TMEM108: variants seen among roughly 807,000 people sequenced by gnomAD.
The protein encoded by TMEM108 is transmembrane protein 108, also known as cancer/testis antigen 124.
In TMEM108, 12 loss-of-function variants were observed where a neutral mutation model predicts 35.1. The ratio of observed to expected loss-of-function variants is 0.34; its 90% CI spans 0.22 to 0.55. TMEM108 has a LOEUF of 0.55. Ranked by LOEUF, TMEM108 falls within the 20% of genes least tolerant of loss-of-function variation. The probability of loss-of-function intolerance (pLI) is 0.89; values close to 1 mark genes in which losing one functional copy is unlikely to be tolerated. For synonymous variants in TMEM108, 287 were observed against 308.6 expected, an observed-to-expected ratio of 0.93 and a Z score of 0.73; for missense variants, 680 against 753.3, an observed-to-expected ratio of 0.90 and a Z score of 1.14.
chr3:133,197,809 ACT>A (rs1418808503), intron 2 of TMEM108, among the ~76,000 whole-genome samples: 1 of 152,058 alleles, frequency 6.6e-6, no homozygotes, highest in Non-Finnish European at 1.5e-5. Context: ...AATTTCAGAA[ACT>A]CAGACATGAG....
intron 2 of TMEM108, among the ~76,000 whole-genome samples, chr3:133,058,623 C>G (rs564787133): frequency 6.6e-6 from 1 of 152,354 alleles, no homozygotes; most frequent in African/African-American, 2.4e-5. Flanking sequence ...TGAGAGGCCC[C>G]CAGAGAGGAG....
chr3:133,080,577 C>T (rs1357020), intron 2 of TMEM108, among the ~76,000 whole-genome samples: 95,195 of 151,454 alleles, frequency 0.63, 30,480 homozygotes, highest in African/African-American at 0.76. Flanking sequence ...ATTAATGATC[C>T]TATATACCTT....
intron 3 of TMEM108, among the ~76,000 whole-genome samples, chr3:133,272,272 CGTGTGT>C (rs3078833): frequency 0.011 from 1,556 of 137,806 alleles, 26 homozygotes; most frequent in African/African-American, 0.035. Flanking sequence ...CATACACGTA[CGTGTGT>C]GTGTGTGTGT....
Position 133,350,830 on chromosome 3 carries a change from A to T in TMEM108, c.41-28922A>T, listed in dbSNP as rs532766401. On this transcript the variant is annotated intron_variant, in intron 3 of 5. Coordinates refer to ENST00000321871, the MANE Select transcript of TMEM108 (RefSeq NM_023943.4). ...GTATACAAAAATAGGGTGTAAAGGC[A>T]GTTTTACATACTGAATGCTGAGACC... 2.0e-5 allele frequency among the ~76,000 whole-genome samples: 3 copies of T among 152,284 alleles called. No individual in the cohort carries two copies. The South Asian group carries it at 6.2e-4, about 32-fold the overall frequency.
intron 3 of TMEM108, among the ~76,000 whole-genome samples, chr3:133,305,040 A>G (rs1207405041): frequency 6.6e-6 from 1 of 152,042 alleles, no homozygotes; most frequent in African/African-American, 2.4e-5. Context: ...CCAAGATCGC[A>G]CCACTGCACC....
intron 2 of TMEM108, among the ~76,000 whole-genome samples, chr3:133,121,885 T>C (rs1000296377): frequency 6.6e-5 from 10 of 152,054 alleles, no homozygotes; most frequent in African/African-American, 2.2e-4. Flanking sequence ...TTTAACGGAG[T>C]GTTCCTTCTA....
chr3:133,280,669 A>C (rs1946900338), intron 3 of TMEM108, among the ~76,000 whole-genome samples: 1 of 152,304 alleles, frequency 6.6e-6, no homozygotes, highest in Admixed American at 6.5e-5. Context: ...GTGGCTTAAA[A>C]CAACCATCAT....
At chr3:133,131,687 G>A (rs1944492627) in intron 2 of TMEM108, among the ~76,000 whole-genome samples, 1 of 151,332 alleles carries the variant, frequency 6.6e-6, no homozygotes, top group Non-Finnish European at 1.5e-5. Context: ...CCCTAAAATG[G>A]CCTCTAAGTG....
At chr3:133,283,294 A>C (rs35753560) in intron 3 of TMEM108, among the ~76,000 whole-genome samples, 46,573 of 152,050 alleles carry the variant, frequency 0.31, 7,865 homozygotes, top group East Asian at 0.47. Context: ...GAGGTGTGGT[A>C]ATCTTTCTGA....
chr3:133,297,281 T>TTTCTGCATCTATTG (rs1288996397), intron 3 of TMEM108, among the ~76,000 whole-genome samples: 1 of 151,740 alleles, frequency 6.6e-6, no homozygotes, highest in African/African-American at 2.4e-5. Context: ...GCATGTTTAT[T>TTTCTGCATCTATTG]AGCAAAAATA....
At chr3:133,259,456 G>C (rs554826555) in intron 3 of TMEM108, among the ~76,000 whole-genome samples, 1 of 152,164 alleles carries the variant, frequency 6.6e-6, no homozygotes, top group South Asian at 2.1e-4. Flanking sequence ...CACTGCTTTC[G>C]CATATTTACG....
At chr3:133,099,972 A>T (rs1226279947) in intron 2 of TMEM108, among the ~76,000 whole-genome samples, 1 of 152,040 alleles carries the variant, frequency 6.6e-6, no homozygotes. Flanking sequence ...AGCAACACCT[A>T]CTCCTGGTAC....
At chr3:133,167,987 T>G (rs1945069786) in intron 2 of TMEM108, among the ~76,000 whole-genome samples, 1 of 152,186 alleles carries the variant, frequency 6.6e-6, no homozygotes. Context: ...CCCTTTCCTG[T>G]CATGGCCTTA....
chr3:133,181,030 A>C (rs1451317413), intron 2 of TMEM108, among the ~76,000 whole-genome samples: 2 of 148,658 alleles, frequency 1.3e-5, no homozygotes, highest in Non-Finnish European at 3.0e-5. Context: ...AAAAAAAAAA[A>C]AAAAAAAACA....
intron 2 of TMEM108, among the ~76,000 whole-genome samples, chr3:133,227,116 G>A (rs1946082946): frequency 6.6e-6 from 1 of 151,946 alleles, no homozygotes; most frequent in Non-Finnish European, 1.5e-5. Flanking sequence ...ATTTGGGTGG[G>A]GACATGGCCA....
At chr3:133,307,223 G>GT (rs1165856218) in intron 3 of TMEM108, among the ~76,000 whole-genome samples, 5 of 152,040 alleles carry the variant, frequency 3.3e-5, no homozygotes, top group African/African-American at 9.7e-5. Flanking sequence ...GGGATTGCTT[G>GT]TTTTTTTCTT....
intron 3 of TMEM108, among the ~76,000 whole-genome samples, chr3:133,297,733 A>G (rs1947165984): frequency 1.3e-5 from 2 of 152,330 alleles, no homozygotes; most frequent in Middle Eastern, 3.4e-3. Context: ...GAAGAGAGCA[A>G]AAGGAGTGGT....
intron 2 of TMEM108, among the ~76,000 whole-genome samples, chr3:133,048,582 G>A (rs1943366743): frequency 6.6e-6 from 1 of 152,204 alleles, no homozygotes; most frequent in Admixed American, 6.5e-5. Flanking sequence ...GGGATTAGAT[G>A]TAAACTGTCC....
chr3:133,221,689 T>C (rs1945994882), intron 2 of TMEM108, among the ~76,000 whole-genome samples: 1 of 149,620 alleles, frequency 6.7e-6, no homozygotes, highest in Admixed American at 6.7e-5. Flanking sequence ...TTTTTCACTT[T>C]TGTGGCTCCA....
Sources: gnomAD v4.1 joint callset for allele counts (sites outside exome capture counted in the v4.1 genomes callset) on GRCh38, gnomAD v4.1.1 for gene constraint, MANE v1.5 for transcripts, NCBI Gene and HGNC (gene_info 2026-07-23, HGNC 2026-07-21) for gene names.